The following RUNX1T1 variants were observed in gnomAD, a reference collection of about 807,000 sequenced individuals.
RUNX1T1 encodes protein CBFA2T1.
In RUNX1T1, 4 loss-of-function variants were observed where a neutral mutation model predicts 62.8. The observed-to-expected ratio is 0.06, with a 90% CI of 0.03 to 0.15. The LOEUF is 0.15. RUNX1T1 is among the 10% of genes least tolerant of loss of function. The pLI, the probability that RUNX1T1 is intolerant of heterozygous loss-of-function variation, is 1.00. For synonymous variants in RUNX1T1, 291 were observed against 286.0 expected (o/e 1.02, Z -0.18); for missense variants, 508 against 754.3 (o/e 0.67, Z 3.82).
chr8:92,101,425 G>A (rs1421356100), upstream of RUNX1T1, among the ~76,000 whole-genome samples: 19 of 152,058 alleles, frequency 1.2e-4, no homozygotes, highest in Non-Finnish European at 2.8e-4. Context: ...CTCTGGCCTC[G>A]GGCACTATTC....
chr8:91,990,643 T>TA (rs1817479085), intron 6 of RUNX1T1, among the ~76,000 whole-genome samples: 1 of 142,738 alleles, frequency 7.0e-6, no homozygotes, highest in Non-Finnish European at 1.5e-5. Flanking sequence ...AATGCTTTAC[T>TA]ACTTTTTTTT....
chr8:91,957,651 T>G (rs1191759044), downstream of RUNX1T1: 1 of 227,916 alleles, frequency 4.4e-6, no homozygotes, highest in African/African-American at 2.2e-5. Context: ...CGTGTGGGTA[T>G]GACATACCTC....
downstream of RUNX1T1, chr8:91,957,931 A>C (rs1436053993): frequency 3.2e-5 from 7 of 221,662 alleles, no homozygotes; most frequent in African/African-American, 9.0e-5. Context: ...AAAAAAAATA[A>C]CACCACCCAA....
exon 8 of RUNX1T1, chr8:91,986,144 T>C (rs576503099): frequency 1.2e-6 from 2 of 1,614,096 alleles, no homozygotes; most frequent in East Asian, 4.5e-5. Flanking sequence ...TGGGTCTGGG[T>C]TGACGGGACT....
At chr8:91,996,492 C>T (rs1172856699) in intron 5 of RUNX1T1, among the ~76,000 whole-genome samples, 1 of 152,212 alleles carries the variant, frequency 6.6e-6, no homozygotes, top group African/African-American at 2.4e-5. Flanking sequence ...TGAGCCACAG[C>T]GCCCGGCTTA....
chr8:92,102,658 A>G (rs1387926843), upstream of RUNX1T1, among the ~76,000 whole-genome samples: 1 of 152,186 alleles, frequency 6.6e-6, no homozygotes, highest in Non-Finnish European at 1.5e-5. This position sits in a 1 kb window ranked among gnomAD's most constrained non-coding sequence, Gnocchi z 4.5. Context: ...GTTCAGTGTC[A>G]TCGCAGACCG....
intron 9 of RUNX1T1, among the ~76,000 whole-genome samples, chr8:91,971,907 CAG>C (rs1812916649): frequency 6.6e-6 from 1 of 152,114 alleles, no homozygotes; most frequent in African/African-American, 2.4e-5. Context: ...TTCTAATTAA[CAG>C]GGGAAAATAT....
intron 5 of RUNX1T1, among the ~76,000 whole-genome samples, chr8:91,999,788 G>A (rs533568086): frequency 5.3e-5 from 8 of 152,094 alleles, no homozygotes; most frequent in African/African-American, 1.2e-4. Context: ...CATTCAAATA[G>A]TAGATACTGA....
In RUNX1T1 at chr8:91,987,858, T is replaced by C. The variant is rs182448924; in HGVS notation, c.911-886A>G. On this transcript the variant is annotated intron_variant, in intron 6 of 10. Transcript: ENST00000396218. ...TATTCTACTGTATAGGAAAAGCCCC[T>C]GGGCTGTGGCATTATTTTGCATTTT... Among the ~76,000 whole-genome samples the C allele has an allele frequency of 8.5e-5, 13 of 152,262 alleles. No homozygotes were observed. In the East Asian group the frequency reaches 1.2e-3, roughly 14 times the overall value.
At chr8:92,012,488 G>C (rs1029445331) in intron 3 of RUNX1T1, among the ~76,000 whole-genome samples, 4 of 152,038 alleles carry the variant, frequency 2.6e-5, no homozygotes, top group Admixed American at 6.6e-5. Flanking sequence ...TGCTGGCACC[G>C]ATGCGAATGC....
intron 1 of RUNX1T1, among the ~76,000 whole-genome samples, chr8:92,082,424 T>C (rs969828127): frequency 3.3e-5 from 5 of 152,038 alleles, no homozygotes; most frequent in African/African-American, 1.2e-4. Context: ...GTGCACAGGG[T>C]CATCTTGGGT....
intron 1 of RUNX1T1, among the ~76,000 whole-genome samples, chr8:92,057,632 C>T (rs771781231): frequency 6.6e-4 from 100 of 152,118 alleles, no homozygotes; most frequent in African/African-American, 2.2e-3. Context: ...TTGATTGGAA[C>T]TCTATGGGTT....
In RUNX1T1 at chr8:92,062,753, C is replaced by T. The variant is rs1169231106; in HGVS notation, c.-201G>A. ...TGGAGAGCTGACACTCCGGATTGCACTTGGAGCAGAAATGTGGAGGATGAC... is the reference window on the plus strand; with the variant it reads ...TGGAGAGCTGACACTCCGGATTGCATTTGGAGCAGAAATGTGGAGGATGAC... On this transcript the variant is annotated 5_prime_UTR_variant, in exon 1 of 11. Coordinates refer to ENST00000396218, the Ensembl canonical transcript of RUNX1T1. 7 of 1,548,984 alleles carry T rather than the reference C, an allele frequency of 4.5e-6. No homozygotes were observed. In the South Asian group the frequency reaches 8.3e-5, roughly 18 times the overall value.
chr8:91,970,768 C>T lies in RUNX1T1; in HGVS notation c.1348G>A (p.Asp450Asn), dbSNP rs569622614. ...TTGGCCCTCTCTGTTGTGATCATGT[C>T]GTGGGCTTTCCGCTCCGCCTCAGAC... Residue 450 changes from aspartate to asparagine, a missense_variant, in exon 10 of 11, where the codon GAC becomes AAC. By Grantham distance (23) the Asp-to-Asn change is conservative. Transcript: ENST00000396218. The T allele has an allele frequency of 1.2e-5, 20 of 1,613,668 alleles. No individual in the cohort carries two copies. The highest frequency in any genetic ancestry group is 2.2e-5 in the South Asian group (2 of 91,080).
At chr8:92,081,792 A>C (rs1835314859) in intron 1 of RUNX1T1, among the ~76,000 whole-genome samples, 1 of 151,974 alleles carries the variant, frequency 6.6e-6, no homozygotes, top group African/African-American at 2.4e-5. Context: ...TGCTCCTATC[A>C]ACTGATCTCT....
intron 6 of RUNX1T1, 134 bp downstream of exon 7, chr8:91,991,505 G>T (rs1817670388): frequency 1.0e-6 from 1 of 967,678 alleles, no homozygotes; most frequent in African/African-American, 1.6e-5. Flanking sequence ...TTTCATAAAG[G>T]AGACAATATA....
intron 1 of RUNX1T1, among the ~76,000 whole-genome samples, chr8:92,062,295 A>AC (rs978661874): frequency 1.3e-5 from 2 of 151,872 alleles, no homozygotes; most frequent in African/African-American, 4.8e-5. Context: ...TGGCTGTACG[A>AC]CCCCCTCAAC....
At chr8:92,076,553 A>G (rs144363726) in intron 1 of RUNX1T1, among the ~76,000 whole-genome samples, 278 of 152,248 alleles carry the variant, frequency 1.8e-3, no homozygotes, top group Non-Finnish European at 3.2e-3. Flanking sequence ...ACACAAGTTA[A>G]TCCTGTTTCA....
chr8:92,024,924 T>C (rs945456583), intron 1 of RUNX1T1, among the ~76,000 whole-genome samples: 1 of 152,218 alleles, frequency 6.6e-6, no homozygotes, highest in East Asian at 1.9e-4. Context: ...TGGCCATGTT[T>C]TGCAACCCCT....
Sources: gnomAD v4.1 joint callset for allele counts (sites outside exome capture counted in the v4.1 genomes callset) on GRCh38, gnomAD v4.1.1 for gene constraint, Gnocchi (gnomAD v3.1) non-coding constraint, MANE v1.5 for transcripts, NCBI Gene and HGNC (gene_info 2026-07-23, HGNC 2026-07-21) for gene names.